The following UTRN variants were observed in gnomAD, a reference collection of about 807,000 sequenced individuals.
UTRN encodes the protein utrophin.
A neutral mutation model predicts 463.9 loss-of-function variants in UTRN; 283 were observed. The observed-to-expected ratio is 0.61, with a 90% confidence interval of 0.55 to 0.67. The LOEUF is 0.67. Ranked by LOEUF, UTRN falls within the 30% of genes least tolerant of loss-of-function variation. The probability of loss-of-function intolerance (pLI) is 0.00; values close to 1 mark genes in which losing one functional copy is unlikely to be tolerated. For synonymous variants in UTRN, 1,442 were observed against 1,431.5 expected, an observed-to-expected ratio of 1.01 and a Z score of -0.17; for missense variants, 3,922 against 4,084.3, an observed-to-expected ratio of 0.96 and a Z score of 1.08.
intron 41 of UTRN, among the ~76,000 whole-genome samples, chr6:144,527,881 T>C (rs1796697748): frequency 6.6e-6 from 1 of 152,200 alleles, no homozygotes; most frequent in Non-Finnish European, 1.5e-5. Flanking sequence ...TTTTCCTTCA[T>C]ATGCTGTGTC....
intron 53 of UTRN, among the ~76,000 whole-genome samples, chr6:144,722,320 G>GTTTTTT (rs35979217): frequency 6.8e-6 from 1 of 146,180 alleles, no homozygotes. Context: ...CTTCCCTCCG[G>GTTTTTT]TTTTTTTTTT....
chr6:144,433,904 G>A (rs1262412619), intron 9 of UTRN, among the ~76,000 whole-genome samples: 4 of 150,772 alleles, frequency 2.7e-5, no homozygotes, highest in Non-Finnish European at 4.4e-5. Flanking sequence ...GACGATGGGC[G>A]GCCAGGCAGA....
At chr6:144,402,349 G>A (rs932207045) in intron 2 of UTRN, among the ~76,000 whole-genome samples, 16 of 152,182 alleles carry the variant, frequency 1.1e-4, no homozygotes, top group Non-Finnish European at 1.5e-5. Flanking sequence ...TTGGGACACC[G>A]TCTATTTGGT....
At chr6:144,369,082 G>A (rs76054273) in intron 2 of UTRN, among the ~76,000 whole-genome samples, 3,859 of 152,326 alleles carry the variant, frequency 0.025, 82 homozygotes, top group Middle Eastern at 0.044. Context: ...TTCTGCCTGT[G>A]CTCAAATTCA....
At chr6:144,670,525 T>G (rs1280655640) in intron 51 of UTRN, among the ~76,000 whole-genome samples, 3 of 152,306 alleles carry the variant, frequency 2.0e-5, no homozygotes, top group African/African-American at 7.2e-5. Context: ...ATTCTGGATG[T>G]TAGTCCTTTG....
chr6:144,691,538 C>T (rs1479918798), intron 52 of UTRN, among the ~76,000 whole-genome samples: 3 of 152,138 alleles, frequency 2.0e-5, no homozygotes, highest in Non-Finnish European at 4.4e-5. Context: ...TCTTCAGTTA[C>T]TTAAACCCTT....
chr6:144,453,243 C>T (rs2128558037), intron 18 of UTRN, among the ~76,000 whole-genome samples: 1 of 152,198 alleles, frequency 6.6e-6, no homozygotes, highest in African/African-American at 2.4e-5. Flanking sequence ...ATGCCTAAGC[C>T]TCCTGAGCAG....
At chr6:144,453,621 C>T (rs1271945342) in intron 18 of UTRN, among the ~76,000 whole-genome samples, 161 bp from the exon 19 acceptor site, 1 of 151,996 alleles carries the variant, frequency 6.6e-6, no homozygotes, top group African/African-American at 2.4e-5. Flanking sequence ...TTTTTTCTTA[C>T]AAAAGAAACC....
At chr6:144,825,309 AAC>A (rs1780083080) in intron 66 of UTRN, among the ~76,000 whole-genome samples, 3 of 152,336 alleles carry the variant, frequency 2.0e-5, no homozygotes, top group African/African-American at 4.8e-5. Context: ...AGCCTGGGCT[AAC>A]ACACACATTG....
intron 54 of UTRN, among the ~76,000 whole-genome samples, chr6:144,744,182 C>T (rs1790414039): frequency 6.8e-6 from 1 of 146,424 alleles, no homozygotes; most frequent in African/African-American, 2.5e-5. Flanking sequence ...CCCAGCTACT[C>T]AGAAAGCTGA....
At chr6:144,738,893 A>G (rs1051609581) in intron 54 of UTRN, among the ~76,000 whole-genome samples, 1 of 152,196 alleles carries the variant, frequency 6.6e-6, no homozygotes, top group African/African-American at 2.4e-5. Flanking sequence ...ATTAATAATC[A>G]TAGAAAAACC....
At chr6:144,556,065 T>G (rs1799357497) in intron 49 of UTRN, among the ~76,000 whole-genome samples, 1 of 152,252 alleles carries the variant, frequency 6.6e-6, no homozygotes, top group Admixed American at 6.5e-5. Context: ...TTAAAAGTGC[T>G]TTTAAGATTC....
chr6:144,462,284 A>G (rs1196025254), intron 22 of UTRN, among the ~76,000 whole-genome samples: 1 of 152,038 alleles, frequency 6.6e-6, no homozygotes, highest in Non-Finnish European at 1.5e-5. Flanking sequence ...GTTGATATGT[A>G]CCACATTTTC....
chr6:144,512,205 T>A (rs1318102065), intron 35 of UTRN, among the ~76,000 whole-genome samples: 1 of 152,188 alleles, frequency 6.6e-6, no homozygotes, highest in East Asian at 1.9e-4. Flanking sequence ...ATAGTGAATA[T>A]GAGATTCTTG....
intron 63 of UTRN, 90 bp from the exon 64 acceptor site, chr6:144,797,734 C>A: frequency 7.3e-7 from 1 of 1,369,840 alleles, no homozygotes. Context: ...CTCTTCTGCA[C>A]AAATTTTCAG....
intron 2 of UTRN, among the ~76,000 whole-genome samples, chr6:144,373,023 G>A (rs924061042): frequency 2.6e-5 from 4 of 152,286 alleles, no homozygotes; most frequent in East Asian, 3.9e-4. Context: ...AAAGAAATAC[G>A]TGTTGGCAAG....
Position 144,700,190 on chromosome 6 carries a change from A to T in UTRN, c.7756A>T (p.Met2586Leu). ...NMKDEELKKQ[M>L]PIGGDVPALQ... ...GAAAGATGAAGAGCTTAAGAAACAA[A>T]TGCCTATTGGAGGAGATGTTCCAGC... Residue 2586 changes from methionine to leucine, a missense_variant, in exon 53 of 75, where the codon ATG becomes TTG. Coordinates refer to ENST00000367545, the MANE Select transcript of UTRN (RefSeq NM_007124.3). 1.2e-6 allele frequency: 2 copies of T among 1,613,760 alleles called. No homozygotes were observed. Among genetic ancestry groups the T allele is most frequent in the Non-Finnish European group, 1.7e-6 (2 of 1,179,770 alleles).
chr6:144,738,180 A>G (rs1302392141), intron 54 of UTRN, among the ~76,000 whole-genome samples: 3 of 152,276 alleles, frequency 2.0e-5, no homozygotes, highest in East Asian at 1.9e-4. Context: ...ACTGACGGCC[A>G]TCTGGCCCCT....
chr6:144,417,143 G>C (rs929048962), intron 3 of UTRN, among the ~76,000 whole-genome samples: 1 of 152,152 alleles, frequency 6.6e-6, no homozygotes, highest in Non-Finnish European at 1.5e-5. Flanking sequence ...TCTGCATTTT[G>C]AATTCATCAA....
Sources: gnomAD v4.1 joint callset for allele counts (sites outside exome capture counted in the v4.1 genomes callset) on GRCh38, gnomAD v4.1.1 for gene constraint, MANE v1.5 for transcripts, NCBI Gene and HGNC (gene_info 2026-07-23, HGNC 2026-07-21) for gene names.